The following PVT1 variants were observed in gnomAD, a reference collection of about 807,000 sequenced individuals.
PVT1 encodes the protein Pvt1 oncogene.
intron 4 of PVT1, among the ~76,000 whole-genome samples, chr8:128,044,021 T>A (rs1487295964): frequency 1.3e-4 from 19 of 143,120 alleles, no homozygotes; most frequent in East Asian, 4.0e-4. Flanking sequence ...ATTTATTTTT[T>A]TTTTTTTTTG....
chr8:127,943,200 C>A (rs973722662), intron 3 of PVT1, among the ~76,000 whole-genome samples: 1 of 152,148 alleles, frequency 6.6e-6, no homozygotes, highest in Non-Finnish European at 1.5e-5. Flanking sequence ...GATCCTAACG[C>A]GAAGTCTGAC....
At chr8:128,097,335 C>T (rs1224221457) in intron 6 of PVT1, among the ~76,000 whole-genome samples, 3 of 152,016 alleles carry the variant, frequency 2.0e-5, no homozygotes, top group African/African-American at 7.3e-5. Context: ...AACCTCCAGC[C>T]TGGGCGACAG....
intron 3 of PVT1, among the ~76,000 whole-genome samples, chr8:127,943,794 A>G (rs989427707): frequency 6.6e-6 from 1 of 152,192 alleles, no homozygotes. Context: ...TTAAAGACAG[A>G]TAGGTTGATG....
At chr8:127,929,645 G>A (rs1425183475) in intron 3 of PVT1, among the ~76,000 whole-genome samples, 1 of 152,044 alleles carries the variant, frequency 6.6e-6, no homozygotes, top group Non-Finnish European at 1.5e-5. Context: ...GCGGGCGCCT[G>A]TAGTCCCAGC....
rs1355999241 is a variant in PVT1 at position 128,009,264 on chromosome 8, G to A, written n.912+19973G>A. ...ATGACAAGCTTTTCAGAATTTCCAC[G>A]ACTAAAAATTGTTTTAGCTGCAGCT... On this transcript the variant is annotated intron_variant and non_coding_transcript_variant, in intron 4 of 10. Coordinates refer to ENST00000651587, the Ensembl canonical transcript of PVT1. Among the ~76,000 whole-genome samples, 3 of 152,014 alleles carry A rather than the reference G, an allele frequency of 2.0e-5. No homozygotes were observed. In the East Asian group the frequency reaches 5.8e-4, roughly 29 times the overall value.
intron 2 of PVT1, among the ~76,000 whole-genome samples, chr8:127,804,785 C>G (rs900974202): frequency 1.3e-5 from 2 of 151,430 alleles, no homozygotes; most frequent in African/African-American, 2.4e-5. Context: ...TCTTGAACTC[C>G]TGACCTCAAG....
At chr8:127,809,942 C>T (rs184333039) in intron 2 of PVT1, among the ~76,000 whole-genome samples, 115 of 152,320 alleles carry the variant, frequency 7.5e-4, no homozygotes, top group African/African-American at 2.6e-3. Flanking sequence ...TTCATTTTGT[C>T]GGTGAAAAGC....
At chr8:127,799,581 G>A (rs549252703) in intron 2 of PVT1, among the ~76,000 whole-genome samples, 1 of 152,244 alleles carries the variant, frequency 6.6e-6, no homozygotes, top group African/African-American at 2.4e-5. Context: ...AGTAGCAGGA[G>A]GCAGTGGGGA....
At chr8:127,853,831 A>G (rs1240152851) in intron 2 of PVT1, among the ~76,000 whole-genome samples, 1 of 152,184 alleles carries the variant, frequency 6.6e-6, no homozygotes, top group East Asian at 1.9e-4. Context: ...AAGTGAATAA[A>G]GAGAGAAGAA....
intron 2 of PVT1, among the ~76,000 whole-genome samples, chr8:127,869,873 G>A (rs1417629544): frequency 6.6e-6 from 1 of 152,090 alleles, no homozygotes; most frequent in East Asian, 1.9e-4. Flanking sequence ...GCGTGATCTC[G>A]GCTTACTGCA....
At chr8:128,058,204 T>G (rs1375202080) in intron 4 of PVT1, among the ~76,000 whole-genome samples, 1 of 152,208 alleles carries the variant, frequency 6.6e-6, no homozygotes, top group Non-Finnish European at 1.5e-5. Context: ...AAGGATGTAT[T>G]GGGTAAATTA....
intron 2 of PVT1, among the ~76,000 whole-genome samples, chr8:127,835,710 C>T (rs1000976497): frequency 4.6e-5 from 7 of 152,232 alleles, no homozygotes; most frequent in South Asian, 2.1e-4. Context: ...TCCTGTTGAT[C>T]GAGTGAATGA....
At chr8:127,795,998 A>G (rs1214788534) in exon 2 of PVT1, 1 of 170,442 alleles carries the variant, frequency 5.9e-6, no homozygotes, top group Non-Finnish European at 1.5e-5. Flanking sequence ...GAGATGAGTT[A>G]CATCTTGGAG....
chr8:128,088,780 C>T (rs993724364), intron 5 of PVT1, among the ~76,000 whole-genome samples: 2 of 152,206 alleles, frequency 1.3e-5, no homozygotes, highest in Non-Finnish European at 2.9e-5. Flanking sequence ...AAGAAAAACT[C>T]GTTCTTTCAC....
At chr8:128,084,817 ATGAAAG>A (rs1350468116) in intron 5 of PVT1, among the ~76,000 whole-genome samples, 2 of 152,224 alleles carry the variant, frequency 1.3e-5, no homozygotes, top group African/African-American at 4.8e-5. Flanking sequence ...AAGTGAATAC[ATGAAAG>A]TGAAAATGAA....
At chr8:128,083,650 C>T (rs1563682968) in intron 5 of PVT1, among the ~76,000 whole-genome samples, 1 of 152,232 alleles carries the variant, frequency 6.6e-6, no homozygotes, top group African/African-American at 2.4e-5. Flanking sequence ...TCTGTGAACT[C>T]CTTTTTTGAG....
At chr8:127,904,925 G>A (rs1442520579) in intron 3 of PVT1, among the ~76,000 whole-genome samples, 1 of 152,208 alleles carries the variant, frequency 6.6e-6, no homozygotes. Context: ...GCCTGCACAG[G>A]CTGTATGTCC....
intron 3 of PVT1, among the ~76,000 whole-genome samples, chr8:127,907,168 CA>C (rs1308442664): frequency 1.3e-5 from 2 of 152,000 alleles, no homozygotes; most frequent in Non-Finnish European, 2.9e-5. Flanking sequence ...GGGGTTTCAC[CA>C]TGTTGGCCAG....
At chr8:127,887,854 A>G (rs928235353) in intron 2 of PVT1, among the ~76,000 whole-genome samples, 1 of 151,842 alleles carries the variant, frequency 6.6e-6, no homozygotes, top group Non-Finnish European at 1.5e-5. Flanking sequence ...TTTAAATAAG[A>G]AAGAGTGTCT....
Sources: allele counts gnomAD v4.1 joint callset (sites outside exome capture counted in the v4.1 genomes callset), GRCh38; gene constraint gnomAD v4.1.1; transcripts MANE v1.5; gene names NCBI Gene and HGNC (gene_info 2026-07-23, HGNC 2026-07-21).